ITGA9: variants seen among roughly 807,000 people sequenced by gnomAD.
The protein encoded by ITGA9 is integrin subunit alpha 9, also known as integrin alpha-9.
In ITGA9, 56 loss-of-function variants were observed where a neutral mutation model predicts 127.8. That is an observed-to-expected ratio of 0.44 (90% CI 0.35 to 0.55). ITGA9 has a LOEUF of 0.55. Among genes scored for constraint, ITGA9 ranks in the 20% least tolerant of loss-of-function variants. ITGA9 has a pLI of 0.00. For synonymous variants in ITGA9, 508 were observed against 514.5 expected, an observed-to-expected ratio of 0.99 and a Z score of 0.17; for missense variants, 1,196 against 1,347.1, an observed-to-expected ratio of 0.89 and a Z score of 1.76.
intron 5 of ITGA9, among the ~76,000 whole-genome samples, chr3:37,502,686 A>G (rs1376763128): frequency 6.6e-6 from 1 of 152,008 alleles, no homozygotes; most frequent in Non-Finnish European, 1.5e-5. Context: ...GAGGGTCTTG[A>G]GTGTGGTCTG....
intron 15 of ITGA9, among the ~76,000 whole-genome samples, chr3:37,570,616 A>T (rs1033698430): frequency 1.1e-4 from 16 of 152,226 alleles, no homozygotes; most frequent in Admixed American, 2.6e-4. Flanking sequence ...CTGGGTGAGG[A>T]CCACTGGGAA....
At chr3:37,513,944 G>A (rs757747542) in intron 9 of ITGA9, 44 bp downstream of exon 9, 1 of 1,611,226 alleles carries the variant, frequency 6.2e-7, no homozygotes, top group South Asian at 1.1e-5. Context: ...GTGGGGGAGG[G>A]ACATTTGTCC....
At chr3:37,503,407 G>A (rs567736905) in intron 6 of ITGA9, 100 bp downstream of exon 6, 1 of 1,352,172 alleles carries the variant, frequency 7.4e-7, no homozygotes, top group African/African-American at 1.4e-5. Flanking sequence ...GGAGTTAGTT[G>A]GCTTTGACGC....
intron 23 of ITGA9, among the ~76,000 whole-genome samples, chr3:37,775,709 A>C (rs1460874511): frequency 6.6e-6 from 1 of 152,026 alleles, no homozygotes; most frequent in African/African-American, 2.4e-5. Flanking sequence ...GAGAAAAGAG[A>C]ATGCTTATAC....
intron 26 of ITGA9, among the ~76,000 whole-genome samples, chr3:37,788,899 G>A (rs1697071856): frequency 6.6e-6 from 1 of 152,046 alleles, no homozygotes; most frequent in African/African-American, 2.4e-5. Flanking sequence ...TGCCTCTGAA[G>A]GCCACGGGAC....
At chr3:37,809,035 G>C (rs895948427) in intron 27 of ITGA9, among the ~76,000 whole-genome samples, 10 of 151,978 alleles carry the variant, frequency 6.6e-5, no homozygotes, top group African/African-American at 2.2e-4. Context: ...AGCCTTAGTG[G>C]CTGTCTTTTA....
chr3:37,636,789 C>T (rs999619354), intron 16 of ITGA9, among the ~76,000 whole-genome samples: 1 of 151,834 alleles, frequency 6.6e-6, no homozygotes, highest in East Asian at 1.9e-4. Flanking sequence ...GTCTTTAATC[C>T]ATCTTGAATT....
intron 22 of ITGA9, among the ~76,000 whole-genome samples, chr3:37,747,903 T>G (rs535023472): frequency 6.6e-6 from 1 of 152,040 alleles, no homozygotes; most frequent in Non-Finnish European, 1.5e-5. Flanking sequence ...TAATTTTTTT[T>G]GTGGAGAGGG....
intron 23 of ITGA9, among the ~76,000 whole-genome samples, chr3:37,765,217 C>T (rs183172012): frequency 5.9e-5 from 9 of 152,134 alleles, no homozygotes; most frequent in African/African-American, 2.2e-4. Flanking sequence ...TACTTGAGAT[C>T]GCCCAGTAGG....
intron 15 of ITGA9, among the ~76,000 whole-genome samples, chr3:37,600,837 A>G (rs911857872): frequency 5.3e-5 from 8 of 152,198 alleles, no homozygotes; most frequent in African/African-American, 1.9e-4. Flanking sequence ...AGGAACCCCC[A>G]ACCCCATGTG....
chr3:37,522,901 G>A (rs752176113), intron 11 of ITGA9, among the ~76,000 whole-genome samples: 1 of 152,178 alleles, frequency 6.6e-6, no homozygotes, highest in African/African-American at 2.4e-5. Flanking sequence ...AGTTTAAGAA[G>A]TGTTCAGGAC....
intron 18 of ITGA9, among the ~76,000 whole-genome samples, chr3:37,710,297 C>G (rs1701064998): frequency 6.6e-6 from 1 of 152,176 alleles, no homozygotes; most frequent in African/African-American, 2.4e-5. Flanking sequence ...CCTCGTCCGT[C>G]TAATGGCAAT....
intron 15 of ITGA9, among the ~76,000 whole-genome samples, chr3:37,546,092 T>A (rs1178863827): frequency 2.0e-5 from 3 of 152,192 alleles, no homozygotes; most frequent in Non-Finnish European, 4.4e-5. Flanking sequence ...TCAAATAAAA[T>A]AATTTAAAAC....
intron 17 of ITGA9, among the ~76,000 whole-genome samples, chr3:37,659,323 G>A (rs1209615396): frequency 5.3e-5 from 8 of 152,202 alleles, no homozygotes; most frequent in Middle Eastern, 3.4e-3. Flanking sequence ...CCAATCAAAT[G>A]TAGGTTTGGT....
chr3:37,573,549 A>G (rs1038629028), intron 15 of ITGA9, among the ~76,000 whole-genome samples: 1 of 152,028 alleles, frequency 6.6e-6, no homozygotes, highest in African/African-American at 2.4e-5. Flanking sequence ...TAGGACAGGG[A>G]CCTCAGATGG....
At chr3:37,740,881 G>T (rs1174689617) in intron 20 of ITGA9, among the ~76,000 whole-genome samples, 1 of 152,102 alleles carries the variant, frequency 6.6e-6, no homozygotes, top group African/African-American at 2.4e-5. Context: ...AAATATCGAT[G>T]CCTGATCTAC....
intron 17 of ITGA9, among the ~76,000 whole-genome samples, chr3:37,654,668 A>G (rs1700460567): frequency 6.6e-6 from 1 of 152,184 alleles, no homozygotes; most frequent in African/African-American, 2.4e-5. Context: ...TGAATATACT[A>G]TTATGAACCA....
chr3:37,734,219 T>C (rs1696331196), intron 19 of ITGA9, among the ~76,000 whole-genome samples: 1 of 152,132 alleles, frequency 6.6e-6, no homozygotes, highest in South Asian at 2.1e-4. Context: ...ATGGATTACA[T>C]GTGGATGGCA....
At chr3:37,566,619 C>G (rs1314533809) in intron 15 of ITGA9, among the ~76,000 whole-genome samples, 1 of 152,166 alleles carries the variant, frequency 6.6e-6, no homozygotes, top group Non-Finnish European at 1.5e-5. Context: ...TGCTGGGGCT[C>G]CTATGGTGGG....
Sources: gnomAD v4.1 joint callset for allele counts (sites outside exome capture counted in the v4.1 genomes callset) on GRCh38, gnomAD v4.1.1 for gene constraint, MANE v1.5 for transcripts, NCBI Gene and HGNC (gene_info 2026-07-23, HGNC 2026-07-21) for gene names.